Variants in INTS8 observed in about 807,000 individuals in gnomAD.
The protein encoded by INTS8 is integrator complex subunit 8, also known as protein kaonashi-1.
A neutral mutation model predicts 138.9 loss-of-function variants in INTS8; 47 were observed. The ratio of observed to expected loss-of-function variants is 0.34; its 90% CI spans 0.27 to 0.43. The LOEUF is 0.43. INTS8 is among the 20% of genes least tolerant of loss of function. The pLI is 1.00. For missense variants in INTS8, 996 were observed against 1,173.0 expected (o/e 0.85, Z 2.20); for synonymous variants, 392 against 400.9 (o/e 0.98, Z 0.27).
In INTS8 at chr8:94,827,818, C is replaced by T. The variant is rs375129777; in HGVS notation, c.518+25C>T. 7.1e-5 allele frequency: 111 copies of T among 1,570,130 alleles called. 1 individual carries two copies. The highest frequency in any genetic ancestry group is 1.7e-4 in the Middle Eastern group (1 of 5,972). On this transcript the variant is annotated intron_variant, in intron 4 of 26. Coordinates refer to ENST00000523731, the MANE Select transcript of INTS8 (RefSeq NM_017864.4). ...TGTAAGTTGGTGGCTATGACCTTTA[C>T]TTGGCACTTTTTTCATTGGAGTTTT...
intron 16 of INTS8, among the ~76,000 whole-genome samples, chr8:94,862,937 G>A (rs1816046703): frequency 6.6e-6 from 1 of 152,014 alleles, no homozygotes; most frequent in African/African-American, 2.4e-5. Context: ...GAAATTTGGT[G>A]ATTTTAATGT....
At chr8:94,857,597 A>G (rs1210898219) in intron 15 of INTS8, among the ~76,000 whole-genome samples, 2 of 152,116 alleles carry the variant, frequency 1.3e-5, no homozygotes, top group South Asian at 2.1e-4. Context: ...GCTGCCCCCA[A>G]AGGCTCCAAG....
rs746637326 is a variant in INTS8, at chr8:94,866,130, T to C, written c.2262-28T>C. Reference sequence around the variant, plus strand: ...TTTATTTTTTATTTCTAATATTAAATGTGTATTCAAAAATTTTTGTTTTGT... The same window carrying C: ...TTTATTTTTTATTTCTAATATTAAACGTGTATTCAAAAATTTTTGTTTTGT... On this transcript the variant is annotated intron_variant, in intron 17 of 26. Coordinates refer to ENST00000523731, the MANE Select transcript of INTS8 (RefSeq NM_017864.4). The C allele has an allele frequency of 3.2e-6, 3 of 941,820 alleles. No individual in the cohort carries two copies. The Admixed American group carries it at 6.7e-5, about 21-fold the overall frequency. The allele number at this position is 941,820 out of a possible 1,614,324, so 58.3% of individuals were successfully genotyped here.
chr8:94,833,404 G>GA (rs1215888951), intron 6 of INTS8, among the ~76,000 whole-genome samples: 7 of 151,430 alleles, frequency 4.6e-5, no homozygotes, highest in African/African-American at 1.7e-4. Flanking sequence ...TTTTTATAGA[G>GA]ACAGGGTCTC....
intron 17 of INTS8, 84 bp downstream of exon 17, chr8:94,865,774 T>G: frequency 8.3e-7 from 1 of 1,204,174 alleles, no homozygotes; most frequent in Admixed American, 2.0e-5. Flanking sequence ...AAAGGTTGAT[T>G]TCAAGAACAT....
chr8:94,849,245 A>G (rs1563654324), intron 10 of INTS8, among the ~76,000 whole-genome samples: 1 of 152,192 alleles, frequency 6.6e-6, no homozygotes, highest in African/African-American at 2.4e-5. Context: ...CTACATGTAT[A>G]CACCTGCACT....
chr8:94,853,517 C>A (rs1815628702), intron 13 of INTS8, among the ~76,000 whole-genome samples: 1 of 151,978 alleles, frequency 6.6e-6, no homozygotes. Flanking sequence ...ATAGTACTTA[C>A]CTTGATATTG....
At chr8:94,840,098 AC>A (rs1815078202) in intron 8 of INTS8, among the ~76,000 whole-genome samples, 1 of 152,242 alleles carries the variant, frequency 6.6e-6, no homozygotes, top group African/African-American at 2.4e-5. Context: ...CATTACTTAT[AC>A]ATGCAGGACT....
At chr8:94,852,517 A>T (rs1334717824) in intron 13 of INTS8, among the ~76,000 whole-genome samples, 3 of 152,150 alleles carry the variant, frequency 2.0e-5, no homozygotes, top group Non-Finnish European at 4.4e-5. Context: ...CAATATGGTA[A>T]TGCTCGTAAC....
At chr8:94,869,508 T>G (rs1303672624) in intron 20 of INTS8, among the ~76,000 whole-genome samples, 1 of 152,040 alleles carries the variant, frequency 6.6e-6, no homozygotes, top group East Asian at 1.9e-4. Context: ...ATTTTTATTT[T>G]TTGAGACGGA....
chr8:94,848,156 C>T (rs569871903), intron 10 of INTS8, among the ~76,000 whole-genome samples: 38 of 151,798 alleles, frequency 2.5e-4, no homozygotes, highest in African/African-American at 8.9e-4. Flanking sequence ...ACTACAGGCC[C>T]GTGTCACCAT....
At chr8:94,849,441 G>A (rs1815450942) in intron 10 of INTS8, 21 bp from the exon 11 acceptor site, 2 of 1,293,450 alleles carry the variant, frequency 1.5e-6, no homozygotes, top group Non-Finnish European at 2.2e-6. Context: ...ATATTCAAAT[G>A]AAAATTACTC....
Position 94,841,537 on chromosome 8 carries a change from C to G in INTS8, c.1064C>G (p.Pro355Arg), listed in dbSNP as rs745497753. The change falls in exon 9 of 27, where the codon CCT becomes CGT. Residue 355 changes from proline (P) to arginine (R), a missense_variant. Coordinates refer to ENST00000523731, the MANE Select transcript of INTS8 (RefSeq NM_017864.4). Reference sequence around the variant, plus strand: ...GAAGACAACTTAACCTTGAGTTTACCTGTCCAGTTCCGACAGTCAGTCCTA... The same window carrying G: ...GAAGACAACTTAACCTTGAGTTTACGTGTCCAGTTCCGACAGTCAGTCCTA... The part of the protein sequence containing the change: ...FIEDNLTLSL[P>R]VQFRQSVLRE... 2.5e-6 allele frequency: 4 copies of G among 1,609,142 alleles called. No individual in the cohort carries two copies. The highest frequency in any genetic ancestry group is 3.4e-6 in the Non-Finnish European group (4 of 1,176,798).
At chr8:94,869,712 C>G (rs1586525109) in intron 20 of INTS8, among the ~76,000 whole-genome samples, 1 of 152,084 alleles carries the variant, frequency 6.6e-6, no homozygotes. Context: ...AGGCTGGTCT[C>G]AAACTCCTGA....
chr8:94,868,980 ATT>A (rs765235187), intron 20 of INTS8, among the ~76,000 whole-genome samples: 45 of 106,722 alleles, frequency 4.2e-4, no homozygotes, highest in Admixed American at 8.8e-4. Context: ...CCAGTTTTGG[ATT>A]TTTTTTTTTT....
In INTS8 at chr8:94,838,629, T is replaced by C. The variant is rs762386295; in HGVS notation, c.1017+11T>C. 4 of 1,598,966 alleles carry C rather than the reference T, an allele frequency of 2.5e-6. No individual in the cohort carries two copies. In the East Asian group the frequency reaches 9.0e-5, roughly 36 times the overall value. On this transcript the variant is annotated intron_variant, in intron 8 of 26. Coordinates refer to ENST00000523731, the MANE Select transcript of INTS8 (RefSeq NM_017864.4). ...TCTGGCAACTATCAGGTAAGGTGTATGAGGGGGATGCAGTGAAGTTTTGGA... is the reference window on the plus strand; with the variant it reads ...TCTGGCAACTATCAGGTAAGGTGTACGAGGGGGATGCAGTGAAGTTTTGGA...
intron 1 of INTS8, 114 bp from the exon 2 acceptor site, chr8:94,824,774 AAACCC>A (rs1814420380): frequency 4.6e-4 from 116 of 252,792 alleles, no homozygotes; most frequent in Non-Finnish European, 8.0e-4. Context: ...GGCAAAAAAA[AAACCC>A]AAACTCCCCC....
chr8:94,825,744 T>C (rs904127710), intron 2 of INTS8, among the ~76,000 whole-genome samples: 13 of 152,158 alleles, frequency 8.5e-5, no homozygotes, highest in African/African-American at 2.9e-4. Flanking sequence ...AATGATTTAT[T>C]ATCATCCCCT....
At chr8:94,875,343 AT>A in intron 23 of INTS8, among the ~76,000 whole-genome samples, 1 of 152,320 alleles carries the variant, frequency 6.6e-6, no homozygotes. Context: ...ACCTTGAAAG[AT>A]TATGCTAAGT....
Sources: allele counts gnomAD v4.1 joint callset (sites outside exome capture counted in the v4.1 genomes callset), GRCh38; gene constraint gnomAD v4.1.1; transcripts MANE v1.5; gene names NCBI Gene and HGNC (gene_info 2026-07-23, HGNC 2026-07-21).